Variants in MTHFD1 observed in about 807,000 individuals in gnomAD.
MTHFD1 encodes the protein C-1-tetrahydrofolate synthase, cytoplasmic.
Under a neutral mutation model 110.3 loss-of-function variants are expected in MTHFD1, and 44 were observed. The ratio of observed to expected loss-of-function variants is 0.40; its 90% confidence interval spans 0.31 to 0.51. The LOEUF (loss-of-function observed/expected upper bound fraction) is 0.51. Among genes scored for constraint, MTHFD1 ranks in the 20% least tolerant of loss-of-function variants. The pLI is 0.60. For synonymous variants in MTHFD1, 402 were observed against 428.8 expected (o/e 0.94, Z 0.77); for missense variants, 909 against 1,173.1 (o/e 0.77, Z 3.29).
intron 1 of MTHFD1, among the ~76,000 whole-genome samples, chr14:64,397,033 A>G (rs2077855131): frequency 1.7e-5 from 2 of 120,818 alleles, no homozygotes; most frequent in African/African-American, 3.2e-5. Flanking sequence ...TGAACCCGGG[A>G]GGCGGAGCTT....
chr14:64,440,962 C>A (rs1251835584), intron 18 of MTHFD1: 3 of 237,362 alleles, frequency 1.3e-5, no homozygotes, highest in South Asian at 5.3e-5. Flanking sequence ...GAGGCTGAGG[C>A]GGGTGGATCA....
intron 15 of MTHFD1, among the ~76,000 whole-genome samples, chr14:64,432,684 T>TA (rs1299884083): frequency 4.6e-5 from 7 of 152,196 alleles, no homozygotes; most frequent in Non-Finnish European, 8.8e-5. Flanking sequence ...AACAGATCAA[T>TA]AGATGTTAAG....
chr14:64,408,305 T>G (rs2077953934), intron 2 of MTHFD1, among the ~76,000 whole-genome samples: 1 of 150,626 alleles, frequency 6.6e-6, no homozygotes, highest in Non-Finnish European at 1.5e-5. Context: ...TTTTTTTTTT[T>G]GAGATGGAGT....
At chr14:64,390,146 C>T (rs2077792989) in intron 1 of MTHFD1, among the ~76,000 whole-genome samples, 1 of 152,104 alleles carries the variant, frequency 6.6e-6, no homozygotes, top group Admixed American at 6.6e-5. Flanking sequence ...GCCAAAGTTT[C>T]CTCAAATGTT....
intron 23 of MTHFD1, 91 bp from the exon 24 acceptor site, chr14:64,449,354 G>A: frequency 7.0e-7 from 1 of 1,427,854 alleles, no homozygotes; most frequent in Non-Finnish European, 9.8e-7. Context: ...TTTATCAGTG[G>A]GTAATTCACA....
intron 19 of MTHFD1, 195 bp downstream of exon 19, chr14:64,441,648 T>C (rs541240479): frequency 5.1e-6 from 3 of 590,088 alleles, no homozygotes; most frequent in South Asian, 3.6e-5. Flanking sequence ...CTACTAAAAA[T>C]ACAAAAAATT....
chr14:64,430,338 C>A, intron 13 of MTHFD1, 108 bp downstream of exon 13: 1 of 1,078,900 alleles, frequency 9.3e-7, no homozygotes, highest in South Asian at 1.3e-5. Context: ...TGCTCTGTTG[C>A]CCAGAGCTGG....
intron 8 of MTHFD1, among the ~76,000 whole-genome samples, chr14:64,423,815 C>T (rs1408803128): frequency 2.6e-5 from 4 of 151,858 alleles, no homozygotes; most frequent in African/African-American, 9.7e-5. Flanking sequence ...CAAGCTCCGC[C>T]CCCCGGGTTC....
chr14:64,450,119 G>A (rs1200011164), intron 24 of MTHFD1, among the ~76,000 whole-genome samples: 1 of 152,194 alleles, frequency 6.6e-6, no homozygotes, highest in East Asian at 1.9e-4. Context: ...ATATGCCACT[G>A]CTTACTTACA....
chr14:64,413,004 C>T (rs949513550), intron 4 of MTHFD1, among the ~76,000 whole-genome samples: 7 of 151,888 alleles, frequency 4.6e-5, no homozygotes, highest in African/African-American at 1.7e-4. Flanking sequence ...ATTTGGTACT[C>T]AAAGTGTGAC....
chr14:64,433,129 T>G (rs1048854964), intron 15 of MTHFD1, among the ~76,000 whole-genome samples: 7 of 152,042 alleles, frequency 4.6e-5, no homozygotes, highest in East Asian at 3.9e-4. Context: ...TGGTTGTTTG[T>G]TTGTTTGTTT....
chr14:64,449,088 C>T (rs945998296), intron 23 of MTHFD1: 18 of 354,260 alleles, frequency 5.1e-5, no homozygotes, highest in East Asian at 4.3e-4. Context: ...TGTGAGCCAC[C>T]GCGCCCAGCC....
intron 8 of MTHFD1, among the ~76,000 whole-genome samples, chr14:64,423,793 C>T (rs1280630276): frequency 6.6e-6 from 1 of 151,210 alleles, no homozygotes; most frequent in Admixed American, 6.6e-5. Flanking sequence ...GTGACGCAAT[C>T]TCCGCTCACT....
intron 7 of MTHFD1, among the ~76,000 whole-genome samples, 176 bp from the exon 8 acceptor site, chr14:64,419,638 G>A (rs529166385): frequency 6.6e-6 from 1 of 152,322 alleles, no homozygotes; most frequent in East Asian, 1.9e-4. Flanking sequence ...GCATGTGAAG[G>A]GCTGTCAGAA....
At chr14:64,418,550 C>G (rs1401895816) in intron 7 of MTHFD1, among the ~76,000 whole-genome samples, 1 of 150,532 alleles carries the variant, frequency 6.6e-6, no homozygotes, top group Non-Finnish European at 1.5e-5. Flanking sequence ...CTTCCTTTTT[C>G]TTTTTTCTTT....
At chr14:64,393,923 G>T (rs910648699) in intron 1 of MTHFD1, among the ~76,000 whole-genome samples, 2 of 152,106 alleles carry the variant, frequency 1.3e-5, no homozygotes, top group African/African-American at 4.8e-5. Context: ...CCTTGGAAAA[G>T]TTAGCTTCAC....
At chr14:64,452,683 T>G (rs1363178638) in intron 24 of MTHFD1, among the ~76,000 whole-genome samples, 1 of 152,216 alleles carries the variant, frequency 6.6e-6, no homozygotes, top group Non-Finnish European at 1.5e-5. Context: ...TGATTTTGAT[T>G]TTATGACTAT....
At chr14:64,416,818 C>T (rs1447942241) in intron 6 of MTHFD1, among the ~76,000 whole-genome samples, 1 of 152,232 alleles carries the variant, frequency 6.6e-6, no homozygotes, top group East Asian at 1.9e-4. Context: ...AGGCCTCCCA[C>T]TGCCTCTTAT....
At chr14:64,454,941 A>G in intron 26 of MTHFD1, 66 bp downstream of exon 26, 2 of 1,545,396 alleles carry the variant, frequency 1.3e-6, no homozygotes, top group African/African-American at 1.4e-5. Context: ...TGTTGCCGAA[A>G]CCATCAAGCA....
Sources: gnomAD v4.1 joint callset for allele counts (sites outside exome capture counted in the v4.1 genomes callset) on GRCh38, gnomAD v4.1.1 for gene constraint, MANE v1.5 for transcripts, NCBI Gene and HGNC (gene_info 2026-07-23, HGNC 2026-07-21) for gene names.